ZBP1: variants seen among roughly 807,000 people sequenced by gnomAD.
ZBP1 encodes the protein Z-DNA binding protein 1.
In ZBP1, 42 loss-of-function variants were observed where a neutral mutation model predicts 41.1. The ratio of observed to expected loss-of-function variants is 1.02; its 90% CI spans 0.80 to 1.32. The LOEUF is 1.32. Among genes scored for constraint, ZBP1 ranks in the 40% most tolerant of loss-of-function variants. The pLI, the probability that ZBP1 is intolerant of heterozygous loss-of-function variation, is 0.00. For synonymous variants in ZBP1, 214 were observed against 205.2 expected, an observed-to-expected ratio of 1.04 and a Z score of -0.37; for missense variants, 562 against 549.7, an observed-to-expected ratio of 1.02 and a Z score of -0.22.
At chr20:57,618,578 G>A (rs994078124) in intron 1 of ZBP1, among the ~76,000 whole-genome samples, 1 of 152,130 alleles carries the variant, frequency 6.6e-6, no homozygotes, top group Non-Finnish European at 1.5e-5. Context: ...GTCTCGCAGA[G>A]TTTTTTGTTT....
In ZBP1 at chr20:57,604,636, T is replaced by A. The variant is rs374040785; in HGVS notation, c.1227A>T (p.Ala409=). ...CTTCATCCACATAGTGGCTGCCTTC[T>A]GCAGCTTTGTGACTCCTGTTTCCAA... ...MTLGNRSHKA[A]EGSHYVDEAS... Residue 409 remains alanine, a synonymous_variant, in exon 8 of 8, where the codon GCA becomes GCT. Coordinates refer to ENST00000371173, the MANE Select transcript of ZBP1 (RefSeq NM_030776.3). The A allele has an allele frequency of 6.2e-7, 1 of 1,614,210 alleles. No homozygotes were observed. The highest frequency in any genetic ancestry group is 8.5e-7 in the Non-Finnish European group (1 of 1,180,042).
rs1373241697 is a variant in ZBP1 at position 57,615,512 on chromosome 20, C to A, written c.328G>T (p.Glu110Ter). 6.2e-7 allele frequency: 1 copy of A among 1,613,396 alleles called. No individual in the cohort carries two copies. The highest frequency in any genetic ancestry group is 1.7e-5 in the Admixed American group (1 of 59,788). The stretch of plus-strand genomic sequence containing the variant: ...ACTGAAGGGACATGCAAAAACTTAC[C>A]CCGTTGTTGGCTGAACTGAGGGCCA... ...TPGPQFSQQR[E>*]EDIYRFLKDN... The change falls in exon 3 of 8, where the codon GAG becomes TAG. Residue 110 changes from glutamate (E) to a stop codon, truncating the protein, a stop_gained and splice_region_variant. Transcript: ENST00000371173. LOFTEE classifies it high-confidence loss of function.
At chr20:57,611,615 G>A in intron 6 of ZBP1, 112 bp downstream of exon 6, 3 of 1,232,702 alleles carry the variant, frequency 2.4e-6, no homozygotes, top group Non-Finnish European at 3.4e-6. Context: ...CCTGGTGGAA[G>A]GAAAGGAATT....
In ZBP1 at chr20:57,610,046, A is replaced by G; in HGVS notation, c.1093+103T>C. The G allele has an allele frequency of 3.0e-6, 4 of 1,336,740 alleles. No homozygotes were observed. Among genetic ancestry groups the G allele is most frequent in the African/African-American group, 1.5e-5 (1 of 68,954 alleles). The allele number at this position is 1,336,740 out of a possible 1,614,324, so 82.8% of individuals were successfully genotyped here. A position where few individuals can be genotyped will look rare whatever the true frequency, so the allele number is the denominator to read the frequency against. ...GTGGGCACAGCCTCCAGACTCCGGG[A>G]AACCAGAGATTAGCGAATGATCGAT... On this transcript the variant is annotated intron_variant, in intron 7 of 7. Transcript: ENST00000371173. This position sits in a 1 kb window ranked among gnomAD's most constrained non-coding sequence, Gnocchi z 5.5.
chr20:57,614,601 T>G (rs1240588931), intron 4 of ZBP1, among the ~76,000 whole-genome samples: 1 of 152,190 alleles, frequency 6.6e-6, no homozygotes, highest in Non-Finnish European at 1.5e-5. Context: ...AAACTCAGAC[T>G]GATCCCTGCA....
At chr20:57,612,184 G>T (rs370459979) in intron 5 of ZBP1, among the ~76,000 whole-genome samples, 6 of 152,230 alleles carry the variant, frequency 3.9e-5, no homozygotes, top group African/African-American at 1.4e-4. Context: ...TGAGCTCCTT[G>T]TTCTGATTCC....
At chr20:57,616,161 C>T (rs937970389) in intron 2 of ZBP1, 83 bp downstream of exon 2, 18 of 1,335,904 alleles carry the variant, frequency 1.3e-5, no homozygotes, top group East Asian at 7.2e-5. Context: ...AGTTCAGATT[C>T]GAACCCAGGC....
intron 2 of ZBP1, 73 bp from the exon 3 acceptor site, chr20:57,615,653 G>A: frequency 7.2e-7 from 1 of 1,396,202 alleles, no homozygotes; most frequent in South Asian, 1.2e-5. Flanking sequence ...ACAAAGGTGG[G>A]CAGCTCCCTA....
At chr20:57,608,685 G>A (rs958683505) in intron 7 of ZBP1, among the ~76,000 whole-genome samples, 17 of 152,362 alleles carry the variant, frequency 1.1e-4, no homozygotes, top group Admixed American at 3.3e-4. Flanking sequence ...TCCCCGTTCT[G>A]CAGGTGTCAC....
Position 57,620,299 on chromosome 20 carries a change from G to C in ZBP1, c.-4C>G. ...GGTCAGCAGGAGCCTGGGCCATGCT[G>C]ACAGCAGCTGCAAGGAGTCGGAGAG... On this transcript the variant is annotated 5_prime_UTR_variant, in exon 1 of 8. Transcript: ENST00000371173. The C allele has an allele frequency of 6.3e-7, 1 of 1,596,082 alleles. No individual in the cohort carries two copies. Among genetic ancestry groups the C allele is most frequent in the Non-Finnish European group, 8.5e-7 (1 of 1,170,878 alleles).
chr20:57,610,397 C>G lies in ZBP1; in HGVS notation c.875-30G>C, dbSNP rs367917872. 69 of 1,611,608 alleles carry G rather than the reference C, an allele frequency of 4.3e-5. No individual in the cohort carries two copies. Among genetic ancestry groups the G allele is most frequent in the Admixed American group, 5.0e-5 (3 of 59,968 alleles). On this transcript the variant is annotated intron_variant, in intron 6 of 7. Transcript: ENST00000371173. This position sits in a 1 kb window ranked among gnomAD's most constrained non-coding sequence, Gnocchi z 5.5. ...GGGTCAAAGGGAGAGAGGCCTGGAG[C>G]CAGGAGCAGCTGGACAGTGGCCGGG...
chr20:57,620,413 C>T lies in ZBP1; in HGVS notation c.-118G>A. 5 of 1,119,766 alleles carry T rather than the reference C, an allele frequency of 4.5e-6. No individual in the cohort carries two copies. The highest frequency in any genetic ancestry group is 2.7e-5 in the East Asian group (1 of 37,296). The allele number at this position is 1,119,766 out of a possible 1,614,324, so 69.4% of individuals were successfully genotyped here. A position where few individuals can be genotyped will look rare whatever the true frequency, so the allele number is the denominator to read the frequency against. On this transcript the variant is annotated 5_prime_UTR_variant, in exon 1 of 8. Coordinates refer to ENST00000371173, the MANE Select transcript of ZBP1 (RefSeq NM_030776.3). ...GCTTCTGAAGTGGCCGAGCCTGGTG[C>T]TTCTTGCAGCTCTGAACCCACAAGG...
At chr20:57,611,569 T>A (rs1299159187) in intron 6 of ZBP1, among the ~76,000 whole-genome samples, 158 bp downstream of exon 6, 1 of 152,098 alleles carries the variant, frequency 6.6e-6, no homozygotes, top group Non-Finnish European at 1.5e-5. Flanking sequence ...GAGTGCTAGC[T>A]TTAAAAGCCC....
Position 57,604,674 on chromosome 20 carries a change from C to A in ZBP1, c.1189G>T (p.Glu397Ter). ...PSHSKLTPKL[E>*]TMTLGNRSHK... ...CTCCTGTTTCCAAGAGTCATAGTTT[C>A]CAGCTTGGGGGTGAGCTTCGAGTGG... Residue 397 changes from glutamate (E) to a stop codon, truncating the protein, a stop_gained, in exon 8 of 8, where the codon GAA becomes TAA. Transcript: ENST00000371173. LOFTEE classifies it low-confidence loss of function (END_TRUNC). 6.2e-7 allele frequency: 1 copy of A among 1,614,166 alleles called. No homozygotes were observed.
intron 3 of ZBP1, 64 bp downstream of exon 3, chr20:57,615,448 G>T (rs548248422): frequency 1.5e-5 from 23 of 1,550,958 alleles, no homozygotes; most frequent in Non-Finnish European, 2.0e-5. Context: ...CTCAAGGAGG[G>T]CCTGGGGTTC....
At chr20:57,607,211 A>G in intron 7 of ZBP1, 1 of 1,304,022 alleles carries the variant, frequency 7.7e-7, no homozygotes, top group Non-Finnish European at 1.0e-6. Context: ...GAGGAGGTCA[A>G]ACTATCAACA....
Position 57,604,555 on chromosome 20 carries a change from C to G in ZBP1, c.*18G>C. On this transcript the variant is annotated 3_prime_UTR_variant, in exon 8 of 8. Coordinates refer to ENST00000371173, the MANE Select transcript of ZBP1 (RefSeq NM_030776.3). The stretch of plus-strand genomic sequence containing the variant: ...GCCCACCCCCAGCCTGTGTCCAAGC[C>G]CCACGTGAGGCTGTGCACTAAATCC... 6.2e-7 allele frequency: 1 copy of G among 1,609,944 alleles called. No homozygotes were observed. Among genetic ancestry groups the G allele is most frequent in the South Asian group, 1.1e-5 (1 of 90,456 alleles).
At position 57,620,366 on chromosome 20, in the gene ZBP1, G is replaced by A. The variant is rs2070980949; in HGVS notation, c.-71C>T. 14 of 1,526,262 alleles carry A rather than the reference G, an allele frequency of 9.2e-6. No homozygotes were observed. The highest frequency in any genetic ancestry group is 1.2e-5 in the Non-Finnish European group (13 of 1,128,776). 94.5% of individuals were successfully genotyped at this position (1,526,262 alleles called of 1,614,324 possible). On this transcript the variant is annotated 5_prime_UTR_variant, in exon 1 of 8. Transcript: ENST00000371173. ...GGCTTCTGCACTGTGGCCCTGAGAG[G>A]GTGGGCTAGGTCGAGGCTGGGGCTT...
rs2070615064 is a variant in ZBP1, at chr20:57,610,136, C to T, written c.1093+13G>A. On this transcript the variant is annotated intron_variant, in intron 7 of 7. Transcript: ENST00000371173. The surrounding 1 kb of genome is among the most constrained non-coding windows in gnomAD (Gnocchi z 5.5). ...AGAGAACACACAGGGGTCCACTCTG[C>T]CCCCTAGCTCACCTGCGTCCTCCCC... is the stretch of plus-strand genomic sequence containing the variant. 1 of 1,608,906 alleles carries T rather than the reference C, an allele frequency of 6.2e-7. No individual in the cohort carries two copies. Among genetic ancestry groups the T allele is most frequent in the Non-Finnish European group, 8.5e-7 (1 of 1,176,222 alleles).
Sources: allele counts gnomAD v4.1 joint callset (sites outside exome capture counted in the v4.1 genomes callset), GRCh38; gene constraint gnomAD v4.1.1; non-coding constraint Gnocchi (gnomAD v3.1); transcripts MANE v1.5; gene names NCBI Gene and HGNC (gene_info 2026-07-23, HGNC 2026-07-21).